The following FADS3 variants were observed in gnomAD, a reference collection of about 807,000 sequenced individuals.
FADS3 encodes the protein cytochrome b5-related protein.
Under a neutral mutation model 60.4 loss-of-function variants are expected in FADS3, and 30 were observed. The ratio of observed to expected loss-of-function variants is 0.50; its 90% CI spans 0.37 to 0.67. FADS3 has a LOEUF of 0.67. Ranked by LOEUF, FADS3 falls within the 30% of genes least tolerant of loss-of-function variation. FADS3 has a pLI of 0.00. For synonymous variants in FADS3, 234 were observed against 249.3 expected (o/e 0.94, Z 0.58); for missense variants, 432 against 598.3 (o/e 0.72, Z 2.90).
rs948748646 is a variant in FADS3 at position 61,876,810 on chromosome 11, G to T, written c.983+56C>A. On this transcript the variant is annotated intron_variant, in intron 8 of 11. Transcript: ENST00000278829. The surrounding 1 kb of genome is among the most constrained non-coding windows in gnomAD (Gnocchi z 5.7). ...CGGGAAAAGGGAAGCTCTGGTGGGGGGCTGCAGTGGGGGTCACCTGTCGCC... is the reference window on the plus strand; with the variant it reads ...CGGGAAAAGGGAAGCTCTGGTGGGGTGCTGCAGTGGGGGTCACCTGTCGCC... 7.6e-7 allele frequency: 1 copy of T among 1,324,502 alleles called. No homozygotes were observed. The highest frequency in any genetic ancestry group is 1.1e-6 in the Non-Finnish European group (1 of 937,862). The allele number at this position is 1,324,502 out of a possible 1,614,324, so 82.0% of individuals were successfully genotyped here.
At chr11:61,875,392 T>G (rs867978785) in intron 11 of FADS3, among the ~76,000 whole-genome samples, 62,059 of 132,978 alleles carry the variant, frequency 0.47, 16,168 homozygotes, top group East Asian at 0.59. Flanking sequence ...TTTTTTTTTT[T>G]TTTTTTTTTT....
Position 61,876,898 on chromosome 11 carries a change from G to A in FADS3, c.951C>T (p.Val317=), listed in dbSNP as rs755755882. 3.7e-6 allele frequency: 6 copies of A among 1,611,068 alleles called. No homozygotes were observed. The highest frequency in any genetic ancestry group is 5.1e-6 in the Non-Finnish European group (6 of 1,179,232). The change falls in exon 8 of 12, where the codon GTC becomes GTT. Residue 317 remains valine (V), a synonymous_variant. Coordinates refer to ENST00000278829, the MANE Select transcript of FADS3 (RefSeq NM_021727.5). This position sits in a 1 kb window ranked among gnomAD's most constrained non-coding sequence, Gnocchi z 5.7. ...FFLSYLPFYG[V]PGVLLFFVAV... ...CAACAAAGAAGAGCAGCACCCCAGG[G>A]ACGCCGTAGAAGGGGAGGTAGGATA... is the stretch of plus-strand genomic sequence containing the variant.
chr11:61,878,782 G>C lies in FADS3; in HGVS notation c.588C>G (p.Asn196Lys). 2.5e-6 allele frequency: 4 copies of C among 1,614,178 alleles called. No individual in the cohort carries two copies. The highest frequency in any genetic ancestry group is 3.4e-6 in the Non-Finnish European group (4 of 1,180,030). Residue 196 changes from asparagine to lysine, a missense_variant, in exon 4 of 12, where the codon AAC becomes AAG. Asn to Lys is a moderately conservative substitution (Grantham distance 94). Around this residue, in one of 5 missense-constraint regions of FADS3, gnomAD observed 116 missense variants for 208.9 expected, o/e 0.56. Transcript: ENST00000278829. ...HASIFKKSWWNHVAQKFVMGQ... is the reference protein window; with the variant it reads ...HASIFKKSWWKHVAQKFVMGQ... Reference sequence around the variant, plus strand: ...CCATCACGAACTTCTGGGCCACGTGGTTCCACCAGGACTTCTTGAAGATGG... The same window carrying C: ...CCATCACGAACTTCTGGGCCACGTGCTTCCACCAGGACTTCTTGAAGATGG...
At chr11:61,881,716 C>T (rs1938136565) in intron 1 of FADS3, 1 of 152,192 alleles carries the variant, frequency 6.6e-6, no homozygotes, top group Non-Finnish European at 1.5e-5. Context: ...TCCTACCACC[C>T]TGGGGGAAGA....
At chr11:61,883,706 G>A (rs1001457558) in intron 1 of FADS3, among the ~76,000 whole-genome samples, 7 of 152,192 alleles carry the variant, frequency 4.6e-5, no homozygotes, top group Non-Finnish European at 1.0e-4. Flanking sequence ...TTATTGAGCT[G>A]AGGATCTTGG....
chr11:61,878,129 C>T (rs758263162), intron 6 of FADS3, 26 bp downstream of exon 6: 1 of 1,610,490 alleles, frequency 6.2e-7, no homozygotes, highest in Non-Finnish European at 8.5e-7. Flanking sequence ...CACTCCCCCA[C>T]CCCAGAAGGA....
At chr11:61,891,750 C>T (rs989625673), upstream of FADS3, 1 of 152,560 alleles carries the variant, frequency 6.6e-6, no homozygotes, top group Non-Finnish European at 1.5e-5. Context: ...GGACAGCGGC[C>T]GCCACCCAGC....
Position 61,888,119 on chromosome 11 carries a change from ACT to A in FADS3, c.213+3048_213+3049del, listed in dbSNP as rs568702542. ...CTCCACTAGTATCAGGCTGCCTATGACTCTCAGACAAACCTGGCCAAGGGCCC... is the reference window on the plus strand; with the variant it reads ...CTCCACTAGTATCAGGCTGCCTATGACTCAGACAAACCTGGCCAAGGGCCC... On this transcript the variant is annotated intron_variant, in intron 1 of 11. Transcript: ENST00000278829. Among the ~76,000 whole-genome samples, 86 of 152,182 alleles carry A rather than the reference ACT, an allele frequency of 5.7e-4. 1 individual carries two copies. The highest frequency in any genetic ancestry group is 4.9e-3 in the Admixed American group (75 of 15,292).
chr11:61,891,464 C>A lies in FADS3; in HGVS notation c.-83G>T, dbSNP rs1170690509. ...GAGGGAAGCGAAGAGCGCTCCCGGG[C>A]GCCGCCTCCGCCGCCGCCCGCTGCT... On this transcript the variant is annotated 5_prime_UTR_variant, in exon 1 of 12. Transcript: ENST00000278829. 137 of 935,824 alleles carry A rather than the reference C, an allele frequency of 1.5e-4. No individual in the cohort carries two copies. The highest frequency in any genetic ancestry group is 1.9e-4 in the Non-Finnish European group (132 of 711,118). 58.0% of individuals were successfully genotyped at this position (935,824 alleles called of 1,614,324 possible). A position where few individuals can be genotyped will look rare whatever the true frequency, so the allele number is the denominator to read the frequency against.
rs1226033468 is a variant in FADS3, at chr11:61,883,606, C to T, written c.214-3455G>A. Reference sequence around the variant, plus strand: ...TGCAGCTGGCACGCACAGACACACCCGGCGCAACGTGCAAGCTGTGGCTGC... The same window carrying T: ...TGCAGCTGGCACGCACAGACACACCTGGCGCAACGTGCAAGCTGTGGCTGC... On this transcript the variant is annotated intron_variant, in intron 1 of 11. Coordinates refer to ENST00000278829, the MANE Select transcript of FADS3 (RefSeq NM_021727.5). Among the ~76,000 whole-genome samples, 7 of 152,326 alleles carry T rather than the reference C, an allele frequency of 4.6e-5. No homozygotes were observed. The South Asian group carries it at 6.2e-4, about 14-fold the overall frequency.
Position 61,875,402 on chromosome 11 carries a change from T to G in FADS3, c.1286+449A>C, listed in dbSNP as rs1418678797. Among the ~76,000 whole-genome samples the G allele has an allele frequency of 9.4e-4, 140 of 149,044 alleles. 2 individuals carry two copies. The Middle Eastern group carries it at 0.01, about 11-fold the overall frequency. ...TTGTTTTTTTTTTTTTTTTTTTTTT[T>G]TTTTTTTTTTAGTAGAGACGGGGTT... On this transcript the variant is annotated intron_variant, in intron 11 of 11. Coordinates refer to ENST00000278829, the MANE Select transcript of FADS3 (RefSeq NM_021727.5).
intron 6 of FADS3, 42 bp downstream of exon 6, chr11:61,878,113 C>A (rs776912215): frequency 3.3e-5 from 52 of 1,583,752 alleles, no homozygotes; most frequent in Non-Finnish European, 4.5e-5. Flanking sequence ...ACAGTGCAGG[C>A]CCAGGCACTC....
In FADS3 at chr11:61,873,615, C is replaced by T. The variant is rs1937757278; in HGVS notation, c.*199G>A. ...TGCTATGCTCACCTTCCCTCTACCC[C>T]TGTCCCATCAGGCCCAGAGCCAAGG... On this transcript the variant is annotated 3_prime_UTR_variant, in exon 12 of 12. Transcript: ENST00000278829. 1.7e-6 allele frequency: 1 copy of T among 604,298 alleles called. No individual in the cohort carries two copies. Among genetic ancestry groups the T allele is most frequent in the Non-Finnish European group, 3.0e-6 (1 of 336,882 alleles). 37.4% of individuals were successfully genotyped at this position (604,298 alleles called of 1,614,324 possible). A position where few individuals can be genotyped will look rare whatever the true frequency, so the allele number is the denominator to read the frequency against.
chr11:61,877,642 T>G lies in FADS3; in HGVS notation c.809-55A>C, dbSNP rs1771627504. ...AGTGGGGCTGGGCTGCCAAGGTGAGTGGGCGCCAGAGTGAGGGGCTCTGTT... is the reference window on the plus strand; with the variant it reads ...AGTGGGGCTGGGCTGCCAAGGTGAGGGGGCGCCAGAGTGAGGGGCTCTGTT... On this transcript the variant is annotated intron_variant, in intron 6 of 11. Coordinates refer to ENST00000278829, the MANE Select transcript of FADS3 (RefSeq NM_021727.5). This position sits in a 1 kb window ranked among gnomAD's most constrained non-coding sequence, Gnocchi z 4.7. The G allele has an allele frequency of 6.5e-7, 1 of 1,534,560 alleles. No homozygotes were observed. Among genetic ancestry groups the G allele is most frequent in the African/African-American group, 1.4e-5 (1 of 73,228 alleles).
intron 1 of FADS3, among the ~76,000 whole-genome samples, chr11:61,884,798 C>G (rs1050351958): frequency 1.3e-5 from 2 of 152,224 alleles, no homozygotes; most frequent in South Asian, 4.1e-4. Flanking sequence ...CGGCACTCGA[C>G]GTCTCTCATC....
intron 1 of FADS3, among the ~76,000 whole-genome samples, chr11:61,882,918 C>T (rs1371751170): frequency 4.6e-5 from 7 of 152,010 alleles, no homozygotes; most frequent in African/African-American, 1.5e-4. Flanking sequence ...TTCGTAGAGT[C>T]GGGGTTTCAC....
intron 2 of FADS3, 56 bp downstream of exon 2, chr11:61,879,985 C>G (rs1399919785): frequency 2.1e-6 from 3 of 1,427,036 alleles, no homozygotes; most frequent in Non-Finnish European, 2.9e-6. Context: ...TGTCTCCCAG[C>G]CCTCCAGCCA....
At chr11:61,880,206 G>A (rs539635040) in intron 1 of FADS3, 55 bp from the exon 2 acceptor site, 72 of 1,442,916 alleles carry the variant, frequency 5.0e-5, no homozygotes, top group African/African-American at 1.7e-4. Flanking sequence ...GTAGCACAGC[G>A]GCAACCAGCA....
At position 61,876,134 on chromosome 11, in the gene FADS3, G is replaced by A. The variant is rs773638002; in HGVS notation, c.1137C>T (p.His379=). The change falls in exon 10 of 12, where the codon CAC becomes CAT. Residue 379 remains histidine, a synonymous_variant. Transcript: ENST00000278829. The surrounding 1 kb of genome is among the most constrained non-coding windows in gnomAD (Gnocchi z 5.7). ...ACTGGTGCTCGATCTGGAAGTTGAG[G>A]TGCCCGCTGAACCAGTTGGTGAAAA... ...PSLFTNWFSG[H]LNFQIEHHLF... 3 of 1,610,250 alleles carry A rather than the reference G, an allele frequency of 1.9e-6. No individual in the cohort carries two copies. Among genetic ancestry groups the A allele is most frequent in the Middle Eastern group, 1.7e-4 (1 of 6,010 alleles).
Sources: gnomAD v4.1 joint callset for allele counts (sites outside exome capture counted in the v4.1 genomes callset) on GRCh38, gnomAD v4.1.1 for gene constraint, gnomAD v4.1.1 regional missense constraint, Gnocchi (gnomAD v3.1) non-coding constraint, MANE v1.5 for transcripts, NCBI Gene and HGNC (gene_info 2026-07-23, HGNC 2026-07-21) for gene names.